The following ZNF536 variants were observed in gnomAD, a reference collection of about 807,000 sequenced individuals.
ZNF536 encodes the protein zinc finger protein 536.
ZNF536 carries 13 observed loss-of-function variants against 84.5 expected under a neutral mutation model. The ratio of observed to expected loss-of-function variants is 0.15; its 90% CI spans 0.10 to 0.24. ZNF536 has a LOEUF of 0.24. Among genes scored for constraint, ZNF536 ranks in the 10% least tolerant of loss-of-function variants. The probability of loss-of-function intolerance (pLI) is 1.00; values close to 1 mark genes in which losing one functional copy is unlikely to be tolerated. For synonymous variants in ZNF536, 811 were observed against 742.5 expected, an observed-to-expected ratio of 1.09 and a Z score of -1.50; for missense variants, 1,536 against 1,747.5, an observed-to-expected ratio of 0.88 and a Z score of 2.16.
At chr19:30,285,845 T>G (rs535047775) in intron 2 of ZNF536, among the ~76,000 whole-genome samples, 202 of 152,286 alleles carry the variant, frequency 1.3e-3, no homozygotes, top group African/African-American at 4.7e-3. Flanking sequence ...ATTGTGACAA[T>G]CAAAATAACT....
chr19:30,690,382 C>T (rs117817366), intron 1 of ZNF536, among the ~76,000 whole-genome samples: 27 of 152,210 alleles, frequency 1.8e-4, no homozygotes, highest in Middle Eastern at 3.4e-3. Context: ...GATTTGAATC[C>T]GGATAATTAT....
chr19:30,598,162 C>T (rs2047534720), intron 1 of ZNF536, among the ~76,000 whole-genome samples: 1 of 152,200 alleles, frequency 6.6e-6, no homozygotes, highest in Admixed American at 6.5e-5. Context: ...GAGCCGTGTC[C>T]TCCTGGTCTT....
At chr19:30,372,684 T>C (rs1482905816) in intron 1 of ZNF536, 128 bp downstream of exon 1, 2 of 152,168 alleles carry the variant, frequency 1.3e-5, no homozygotes, top group Non-Finnish European at 2.9e-5. Flanking sequence ...CATGCATGGA[T>C]TCTTGTTCAC....
chr19:30,676,398 C>T (rs2050754953), intron 1 of ZNF536, among the ~76,000 whole-genome samples: 1 of 152,198 alleles, frequency 6.6e-6, no homozygotes, highest in East Asian at 1.9e-4. Context: ...CATTGTAGGA[C>T]AGGAAGTCAC....
At chr19:30,370,630 T>C (rs1303767869), upstream of ZNF536, among the ~76,000 whole-genome samples, 1 of 152,234 alleles carries the variant, frequency 6.6e-6, no homozygotes, top group African/African-American at 2.4e-5. Context: ...AAGAATGTTA[T>C]AAAAATCAAG....
At chr19:30,478,170 T>C (rs1287043695) in intron 2 of ZNF536, among the ~76,000 whole-genome samples, 1 of 151,590 alleles carries the variant, frequency 6.6e-6, no homozygotes, top group East Asian at 1.9e-4. Flanking sequence ...TTTTTTTTTT[T>C]TTCCAGGATA....
chr19:30,581,857 C>A (rs1384834673), intron 1 of ZNF536, among the ~76,000 whole-genome samples: 1 of 152,112 alleles, frequency 6.6e-6, no homozygotes, highest in Non-Finnish European at 1.5e-5. Context: ...TTGCTTGAAC[C>A]CAGGAGGCAG....
intron 2 of ZNF536, among the ~76,000 whole-genome samples, chr19:30,347,944 A>G (rs1048136119): frequency 6.6e-6 from 1 of 152,190 alleles, no homozygotes; most frequent in Non-Finnish European, 1.5e-5. Flanking sequence ...GTCTTCTCCT[A>G]TGTCTTACTT....
At chr19:30,351,051 CGG>C (rs1223098081) in intron 2 of ZNF536, among the ~76,000 whole-genome samples, 1 of 152,252 alleles carries the variant, frequency 6.6e-6, no homozygotes, top group East Asian at 1.9e-4. Flanking sequence ...AAAATAAAGA[CGG>C]GGAATAAAAT....
At chr19:30,708,514 G>A (rs948297912) in intron 1 of ZNF536, among the ~76,000 whole-genome samples, 6 of 152,176 alleles carry the variant, frequency 3.9e-5, no homozygotes, top group African/African-American at 1.2e-4. Context: ...TTAGGCACTC[G>A]CTCTGTTGTC....
rs560139001 is a variant in ZNF536 at position 30,591,195 on chromosome 19, G to A, written c.169+41681G>A. Reference sequence around the variant, plus strand: ...ATTTTTCTTATATAGCAATGGTTATGTTTGAGATGTCAGGGCAGGGATCCG... The same window carrying A: ...ATTTTTCTTATATAGCAATGGTTATATTTGAGATGTCAGGGCAGGGATCCG... On this transcript the variant is annotated intron_variant, in intron 1 of 1. Coordinates refer to the ZNF536 transcript ENST00000592773. Among the ~76,000 whole-genome samples, 29 of 152,336 alleles carry A rather than the reference G, an allele frequency of 1.9e-4. No individual in the cohort carries two copies. The East Asian group carries it at 5.6e-3, about 29-fold the overall frequency.
intron 3 of ZNF536, among the ~76,000 whole-genome samples, chr19:30,358,447 G>A (rs1473386924): frequency 6.6e-6 from 1 of 152,214 alleles, no homozygotes; most frequent in Admixed American, 6.5e-5. Context: ...CTGGGTGGTG[G>A]GGTTTGTGTC....
intron 1 of ZNF536, among the ~76,000 whole-genome samples, chr19:30,652,860 C>T (rs1028638131): frequency 3.9e-5 from 6 of 152,098 alleles, no homozygotes; most frequent in Admixed American, 2.6e-4. Context: ...TCTCCTGCAG[C>T]GATGGAAGCC....
intron 1 of ZNF536, among the ~76,000 whole-genome samples, chr19:30,672,953 G>A (rs1179097896): frequency 6.6e-6 from 1 of 152,166 alleles, no homozygotes; most frequent in Non-Finnish European, 1.5e-5. Context: ...TGTCTTGGTT[G>A]AGTGTATTCC....
chr19:30,225,836 C>G (rs1202969658), upstream of ZNF536, among the ~76,000 whole-genome samples: 8 of 148,504 alleles, frequency 5.4e-5, no homozygotes, highest in Admixed American at 2.7e-4. Context: ...CTCCCCATCT[C>G]GGCGAGGCCT....
At chr19:30,547,023 CTTA>C (rs2045585283) in intron 3 of ZNF536, among the ~76,000 whole-genome samples, 1 of 152,030 alleles carries the variant, frequency 6.6e-6, no homozygotes, top group South Asian at 2.1e-4. Flanking sequence ...TGAAAATTAT[CTTA>C]TATGTTTTAA....
intron 2 of ZNF536, among the ~76,000 whole-genome samples, chr19:30,510,039 G>A (rs1339673459): frequency 6.6e-6 from 1 of 152,158 alleles, no homozygotes; most frequent in African/African-American, 2.4e-5. Flanking sequence ...TATTGTGGGG[G>A]GAAATTAGAA....
At chr19:30,319,801 T>G (rs1386309719) in intron 2 of ZNF536, among the ~76,000 whole-genome samples, 1 of 152,222 alleles carries the variant, frequency 6.6e-6, no homozygotes, top group Non-Finnish European at 1.5e-5. Flanking sequence ...CTAATAAACA[T>G]TAATCAATAT....
At chr19:30,415,302 T>TCTTCTTCTC (rs1555750683) in intron 1 of ZNF536, among the ~76,000 whole-genome samples, 3 of 142,460 alleles carry the variant, frequency 2.1e-5, no homozygotes, top group Non-Finnish European at 4.6e-5. Context: ...TTCTTCTTCT[T>TCTTCTTCTC]CTTCTCCTTC....
Sources: gnomAD v4.1 joint callset for allele counts (sites outside exome capture counted in the v4.1 genomes callset) on GRCh38, gnomAD v4.1.1 for gene constraint, MANE v1.5 for transcripts, NCBI Gene and HGNC (gene_info 2026-07-23, HGNC 2026-07-21) for gene names.